Variants in COL4A2 observed in about 807,000 individuals in gnomAD.
COL4A2 encodes the protein collagen alpha-2(IV) chain.
In COL4A2, 99 loss-of-function variants were observed where a neutral mutation model predicts 200.2. That is an observed-to-expected ratio of 0.49 (90% CI 0.42 to 0.58). The LOEUF (loss-of-function observed/expected upper bound fraction) is 0.58, where lower values mean the gene tolerates loss of function less well. COL4A2 is among the 20% of genes least tolerant of loss of function. COL4A2 has a pLI of 0.00. For synonymous variants in COL4A2, 897 were observed against 900.6 expected (o/e 1.00, Z 0.07); for missense variants, 1,950 against 2,314.1 (o/e 0.84, Z 3.23).
At chr13:110,494,691 G>A (rs1313997483) in intron 39 of COL4A2, among the ~76,000 whole-genome samples, 4 of 147,742 alleles carry the variant, frequency 2.7e-5, no homozygotes, top group African/African-American at 4.9e-5. Flanking sequence ...GCAACAGAGC[G>A]AGACTCCGTC....
chr13:110,340,653 A>G (rs1392464110), intron 3 of COL4A2, among the ~76,000 whole-genome samples: 5 of 152,182 alleles, frequency 3.3e-5, no homozygotes, highest in African/African-American at 1.2e-4. Flanking sequence ...CAGCTGCGGA[A>G]GAAAGGAGAG....
chr13:110,445,930 C>G, intron 17 of COL4A2, 48 bp downstream of exon 17: 1 of 1,607,354 alleles, frequency 6.2e-7, no homozygotes, highest in Non-Finnish European at 8.5e-7. Flanking sequence ...CTCGCCCACC[C>G]TGGCTGGCCT....
chr13:110,332,081 T>C (rs1367468704), intron 3 of COL4A2, among the ~76,000 whole-genome samples: 2 of 152,242 alleles, frequency 1.3e-5, no homozygotes, highest in African/African-American at 4.8e-5. Context: ...GTGTTTTCTG[T>C]ATGTAAAATC....
intron 20 of COL4A2, chr13:110,457,101 G>A (rs1458104506): frequency 2.9e-6 from 1 of 349,740 alleles, no homozygotes; most frequent in African/African-American, 5.2e-5. Flanking sequence ...CGTCCGTGGG[G>A]CTGATGCCGT....
At chr13:110,392,639 G>A (rs891593412) in intron 4 of COL4A2, among the ~76,000 whole-genome samples, 3 of 152,178 alleles carry the variant, frequency 2.0e-5, no homozygotes, top group African/African-American at 7.2e-5. Context: ...TACAACGCCT[G>A]TCTCATTCCT....
intron 20 of COL4A2, chr13:110,456,431 C>A (rs892814618): frequency 3.5e-6 from 1 of 283,580 alleles, no homozygotes; most frequent in South Asian, 3.2e-5. Context: ...TGGGGGGGAA[C>A]CAGAAGTGTG....
rs574353709 is a variant in COL4A2 at position 110,489,554 on chromosome 13, GCT to G, written c.3271+51_3271+52del. The G allele has an allele frequency of 5.7e-3, 9,224 of 1,609,002 alleles. 47 individuals are homozygous for G. Among genetic ancestry groups the G allele is most frequent in the Non-Finnish European group, 7.3e-3 (8,596 of 1,175,252 alleles). ...GAAAACAGGGAGTCCACAATTCAGA[GCT>G]CTCTGAGCATGTGAGCCAATTTCAG... On this transcript the variant is annotated intron_variant, in intron 35 of 47. Coordinates refer to ENST00000360467, the MANE Select transcript of COL4A2 (RefSeq NM_001846.4).
At chr13:110,340,854 T>C (rs1466992636) in intron 3 of COL4A2, 3 of 152,204 alleles carry the variant, frequency 2.0e-5, no homozygotes, top group African/African-American at 4.8e-5. Context: ...TTTTCAGCCA[T>C]GCGATTCTGG....
rs9583497 is a variant in COL4A2, at chr13:110,456,809, C to T, written c.1340-534C>T. 58 of 477,332 alleles carry T rather than the reference C, an allele frequency of 1.2e-4. 1 individual carries two copies. The East Asian group carries it at 1.5e-3, about 12-fold the overall frequency. The allele number at this position is 477,332 out of a possible 1,614,324, so 29.6% of individuals were successfully genotyped here. On this transcript the variant is annotated intron_variant, in intron 20 of 47. Transcript: ENST00000360467. ...GTGGGATGCCGGGCACCCATGGTGC[C>T]GATGCCCTGCGTCTGCGTGGAACCC...
Position 110,313,460 on chromosome 13 carries a change from C to T in COL4A2, c.99+5337C>T, listed in dbSNP as rs111761616. On this transcript the variant is annotated intron_variant, in intron 3 of 47. Transcript: ENST00000360467. ...GCAGCCGGCGTCCACCCGGCAGGCT[C>T]CCACCCCGGTGCCCCGCGTCCACCC... Among the ~76,000 whole-genome samples, 15 of 147,280 alleles carry T rather than the reference C, an allele frequency of 1.0e-4. No individual in the cohort carries two copies. In the East Asian group the frequency reaches 3.1e-3, roughly 30 times the overall value.
intron 28 of COL4A2, among the ~76,000 whole-genome samples, chr13:110,470,679 C>A (rs940570784): frequency 2.6e-5 from 4 of 152,206 alleles, no homozygotes; most frequent in Non-Finnish European, 4.4e-5. Flanking sequence ...GAATATCACA[C>A]AGAACATCGG....
chr13:110,354,639 ATAG>A (rs1877111650), intron 3 of COL4A2, among the ~76,000 whole-genome samples: 1 of 132,126 alleles, frequency 7.6e-6, no homozygotes, highest in Non-Finnish European at 1.5e-5. Context: ...TTTTTTTTTT[ATAG>A]TAGTAACTGA....
chr13:110,424,567 C>A (rs537835100), intron 4 of COL4A2, among the ~76,000 whole-genome samples, 167 bp from the exon 5 acceptor site: 27 of 150,300 alleles, frequency 1.8e-4, no homozygotes, highest in African/African-American at 6.6e-4. Context: ...TCTATGACTT[C>A]TTTTGTTAGC....
At chr13:110,419,160 G>A (rs1260644041) in intron 4 of COL4A2, among the ~76,000 whole-genome samples, 2 of 152,190 alleles carry the variant, frequency 1.3e-5, no homozygotes, top group East Asian at 3.8e-4. Context: ...GGAATGGAGA[G>A]GATATGGGCG....
At chr13:110,492,353 C>T (rs1883313341) in intron 38 of COL4A2, among the ~76,000 whole-genome samples, 176 bp downstream of exon 38, 2 of 152,204 alleles carry the variant, frequency 1.3e-5, no homozygotes, top group Non-Finnish European at 2.9e-5. Flanking sequence ...GGTATACTGG[C>T]GCCCCAGGCA....
intron 4 of COL4A2, among the ~76,000 whole-genome samples, chr13:110,392,195 A>G (rs1879009337): frequency 6.6e-6 from 1 of 152,242 alleles, no homozygotes; most frequent in South Asian, 2.1e-4. Flanking sequence ...ATAAAGAATC[A>G]TCAAGAAAAC....
At chr13:110,425,746 C>G (rs1880447259) in intron 6 of COL4A2, among the ~76,000 whole-genome samples, 1 of 152,202 alleles carries the variant, frequency 6.6e-6, no homozygotes, top group African/African-American at 2.4e-5. Context: ...GGTTCTGTAT[C>G]ACCACACACG....
At chr13:110,372,080 A>C (rs1379442433) in intron 4 of COL4A2, among the ~76,000 whole-genome samples, 1 of 151,994 alleles carries the variant, frequency 6.6e-6, no homozygotes, top group Admixed American at 6.6e-5. Flanking sequence ...AATTGTCCTT[A>C]CTCTAGTTGG....
rs375372676 is a variant in COL4A2, at chr13:110,450,424, C to T, written c.1309C>T (p.Pro437Ser). ...TGGAAAGCGAGGGCCTCCAGGACCC[C>T]CCGGGCTCCCTGGACCACCTGGACC... ...PDGKRGPPGP[P>S]GLPGPPGPDG... is the part of the protein sequence containing the mutation. Residue 437 changes from proline to serine, a missense_variant, in exon 20 of 48, where the codon CCC becomes TCC. Pro to Ser is a moderately conservative substitution (Grantham distance 74, BLOSUM62 -1). Coordinates refer to ENST00000360467, the MANE Select transcript of COL4A2 (RefSeq NM_001846.4). The T allele has an allele frequency of 6.2e-7, 1 of 1,613,910 alleles. No homozygotes were observed. The highest frequency in any genetic ancestry group is 8.5e-7 in the Non-Finnish European group (1 of 1,179,960).
Sources: allele counts gnomAD v4.1 joint callset (sites outside exome capture counted in the v4.1 genomes callset), GRCh38; gene constraint gnomAD v4.1.1; transcripts MANE v1.5; gene names NCBI Gene and HGNC (gene_info 2026-07-23, HGNC 2026-07-21).